ITCH: variants seen among roughly 807,000 people sequenced by gnomAD.
ITCH encodes the protein itchy E3 ubiquitin protein ligase.
A neutral mutation model predicts 126.8 loss-of-function variants in ITCH; 28 were observed. That is an observed-to-expected ratio of 0.22 (90% CI 0.16 to 0.30). The LOEUF is 0.30. ITCH is among the 10% of genes least tolerant of loss of function. The pLI, the probability that ITCH is intolerant of heterozygous loss-of-function variation, is 1.00. For synonymous variants in ITCH, 342 were observed against 340.0 expected, an observed-to-expected ratio of 1.01 and a Z score of -0.06; for missense variants, 631 against 1,032.4, an observed-to-expected ratio of 0.61 and a Z score of 5.33.
In ITCH at chr20:34,413,722, G is replaced by A; in HGVS notation, c.338-20G>A. On this transcript the variant is annotated intron_variant, in intron 5 of 24. Transcript: ENST00000374864. ...TGGGAAAAAAGTGACCATTTTTTCT[G>A]TAACTTTATTTTCTTCCAGTTGAAG... The A allele has an allele frequency of 6.3e-7, 1 of 1,586,614 alleles. No individual in the cohort carries two copies. The highest frequency in any genetic ancestry group is 8.6e-7 in the Non-Finnish European group (1 of 1,165,142).
chr20:34,482,281 G>A (rs917014830), intron 20 of ITCH, among the ~76,000 whole-genome samples: 3 of 152,086 alleles, frequency 2.0e-5, no homozygotes, highest in Non-Finnish European at 2.9e-5. Context: ...AGTCCCCAAA[G>A]TCTTAACTTA....
At chr20:34,389,337 A>T (rs2038404484) in intron 2 of ITCH, among the ~76,000 whole-genome samples, 1 of 152,096 alleles carries the variant, frequency 6.6e-6, no homozygotes, top group Non-Finnish European at 1.5e-5. Context: ...GTGTGGTTGA[A>T]AAAAGGCTGC....
intron 16 of ITCH, among the ~76,000 whole-genome samples, chr20:34,473,955 A>G (rs941002719): frequency 6.6e-6 from 1 of 152,248 alleles, no homozygotes; most frequent in Admixed American, 6.5e-5. Flanking sequence ...AAGCCAGGTT[A>G]GATCTCTGCC....
chr20:34,364,987 C>G (rs2037363649), intron 1 of ITCH, among the ~76,000 whole-genome samples: 1 of 151,084 alleles, frequency 6.6e-6, no homozygotes, highest in Non-Finnish European at 1.5e-5. Context: ...ATTACGTGAG[C>G]CCAGGAATTG....
intron 2 of ITCH, among the ~76,000 whole-genome samples, chr20:34,374,727 T>G (rs2037767312): frequency 6.6e-6 from 1 of 151,864 alleles, no homozygotes; most frequent in Admixed American, 6.6e-5. Context: ...CAGCTTTGGC[T>G]TACAATTTTT....
chr20:34,430,668 T>G (rs1982166581), intron 7 of ITCH, among the ~76,000 whole-genome samples: 2 of 152,160 alleles, frequency 1.3e-5, no homozygotes, highest in African/African-American at 2.4e-5. Context: ...GAGATGGGGT[T>G]TCACCATGTT....
At position 34,507,284 on chromosome 20, in the gene ITCH, TTTTTTG is replaced by T. The variant is rs1240570063; in HGVS notation, c.2490-410_2490-405del. 2.1e-3 allele frequency among the ~76,000 whole-genome samples: 213 copies of T among 99,554 alleles called. 4 individuals carry two copies. The South Asian group carries it at 0.048, about 22-fold the overall frequency. The allele number at this position is 99,554 out of a possible 152,430, so 65.3% of individuals were successfully genotyped here. ...TTCTGTTTTTTTTTTTTTTTTTTTT[TTTTTTG>T]GTTGTTGTTGTTGTTGTTTTGGTGT... On this transcript the variant is annotated intron_variant, in intron 24 of 24. Transcript: ENST00000374864.
intron 3 of ITCH, chr20:34,402,418 C>A (rs2038918527): frequency 3.9e-6 from 3 of 773,656 alleles, no homozygotes; most frequent in Admixed American, 3.4e-5. Context: ...ACAGTGGCAC[C>A]CACTTTTCTT....
chr20:34,431,758 G>T (rs1982322319), intron 7 of ITCH, among the ~76,000 whole-genome samples: 1 of 151,814 alleles, frequency 6.6e-6, no homozygotes, highest in Admixed American at 6.6e-5. Flanking sequence ...TGGGACATTT[G>T]GCCGGTGGCG....
intron 12 of ITCH, among the ~76,000 whole-genome samples, chr20:34,450,560 A>G (rs1394281949): frequency 6.6e-6 from 1 of 152,204 alleles, no homozygotes; most frequent in Non-Finnish European, 1.5e-5. Flanking sequence ...ACAGCATTAT[A>G]TAGCAAGGTT....
At chr20:34,499,275 T>TG (rs1351627016) in intron 23 of ITCH, among the ~76,000 whole-genome samples, 1 of 114,860 alleles carries the variant, frequency 8.7e-6, no homozygotes, top group Non-Finnish European at 1.7e-5. Context: ...TGCCCAGCTT[T>TG]TTTTTTTTTT....
chr20:34,373,881 A>AT (rs562372910), intron 2 of ITCH, among the ~76,000 whole-genome samples: 3,176 of 145,940 alleles, frequency 0.022, 102 homozygotes, highest in African/African-American at 0.065. Context: ...ACAAGAGAAC[A>AT]TTTTTTTTTT....
rs1568990577 is a variant in ITCH, at chr20:34,481,116, A to G, written c.2003A>G (p.Lys668Arg). 6.2e-7 allele frequency: 1 copy of G among 1,613,490 alleles called. No individual in the cohort carries two copies. Among genetic ancestry groups the G allele is most frequent in the East Asian group, 2.2e-5 (1 of 44,726 alleles). The change falls in exon 20 of 25, where the codon AAA becomes AGA. Residue 668 changes from lysine (K) to arginine (R), a missense_variant. Lys to Arg is a conservative substitution (Grantham distance 26). Around this residue, in one of 4 missense-constraint regions of ITCH, gnomAD observed 390 missense variants for 731.6 expected, o/e 0.53. Transcript: ENST00000374864. ...CDLEMYFSVD[K>R]EILGEIKSHD... ...TTGGAAATGTACTTCTCCGTTGACA[A>G]AGAAATTCTAGGTGAAATTAAGAGT...
At chr20:34,481,777 C>T (rs968700701) in intron 20 of ITCH, among the ~76,000 whole-genome samples, 11 of 152,160 alleles carry the variant, frequency 7.2e-5, no homozygotes, top group African/African-American at 2.7e-4. Context: ...CTTTGGAAGG[C>T]CAAGGCAGGC....
chr20:34,447,134 A>G (rs930145309), intron 11 of ITCH, among the ~76,000 whole-genome samples: 4 of 150,834 alleles, frequency 2.7e-5, no homozygotes, highest in Non-Finnish European at 5.9e-5. Context: ...TGTTTTGACT[A>G]CTGTAATCCT....
intron 14 of ITCH, among the ~76,000 whole-genome samples, chr20:34,462,682 T>C (rs1986656270): frequency 6.6e-6 from 1 of 152,206 alleles, no homozygotes; most frequent in African/African-American, 2.4e-5. Flanking sequence ...TTAAGCACAT[T>C]CATATTGTGG....
chr20:34,463,157 G>A (rs531392520), intron 14 of ITCH, among the ~76,000 whole-genome samples: 3 of 152,344 alleles, frequency 2.0e-5, no homozygotes, highest in Admixed American at 6.5e-5. Context: ...GATATCAGGA[G>A]TTGGAGACCA....
At chr20:34,446,313 GTA>G (rs1984456119) in intron 11 of ITCH, among the ~76,000 whole-genome samples, 1 of 152,118 alleles carries the variant, frequency 6.6e-6, no homozygotes, top group Admixed American at 6.6e-5. Context: ...ACTGCCATTG[GTA>G]TCATCCCTGT....
At chr20:34,497,820 C>T (rs922990619) in intron 23 of ITCH, among the ~76,000 whole-genome samples, 45 of 152,086 alleles carry the variant, frequency 3.0e-4, no homozygotes, top group African/African-American at 7.5e-4. Context: ...TCCGGTGATC[C>T]GCCCACCTTG....
Sources: allele counts gnomAD v4.1 joint callset (sites outside exome capture counted in the v4.1 genomes callset), GRCh38; gene constraint gnomAD v4.1.1; regional missense constraint gnomAD v4.1.1; transcripts MANE v1.5; gene names NCBI Gene and HGNC (gene_info 2026-07-23, HGNC 2026-07-21).